The following ATP13A4 variants were observed in gnomAD, a reference collection of about 807,000 sequenced individuals.
The protein encoded by ATP13A4 is ATPase 13A4.
In ATP13A4, 114 loss-of-function variants were observed where a neutral mutation model predicts 142.5. The observed-to-expected ratio is 0.80, with a 90% confidence interval of 0.69 to 0.93. The LOEUF (loss-of-function observed/expected upper bound fraction) is 0.93. Among genes scored for constraint, ATP13A4 ranks in the 40% least tolerant of loss-of-function variants. The probability of loss-of-function intolerance (pLI) is 0.00; values close to 1 mark genes in which losing one functional copy is unlikely to be tolerated. For synonymous variants in ATP13A4, 488 were observed against 514.8 expected (o/e 0.95, Z 0.70); for missense variants, 1,392 against 1,454.0 (o/e 0.96, Z 0.69).
chr3:193,488,961 T>C (rs1448798636), intron 7 of ATP13A4, among the ~76,000 whole-genome samples: 1 of 152,042 alleles, frequency 6.6e-6, no homozygotes, highest in African/African-American at 2.4e-5. Flanking sequence ...GAATGAGAGT[T>C]CAGGGAAGGA....
Position 193,490,017 on chromosome 3 carries a change from C to T in ATP13A4, c.604-153G>A, listed in dbSNP as rs764200809. ...TCGGCAATTGACACGTGCCAGACACCGCTCTAAGCAACTTTACTTGAATTT... is the reference window on the plus strand; with the variant it reads ...TCGGCAATTGACACGTGCCAGACACTGCTCTAAGCAACTTTACTTGAATTT... On this transcript the variant is annotated intron_variant, in intron 6 of 29. Transcript: ENST00000342695. Among the ~76,000 whole-genome samples, 18 of 152,282 alleles carry T rather than the reference C, an allele frequency of 1.2e-4. No individual in the cohort carries two copies. In the South Asian group the frequency reaches 1.7e-3, roughly 14 times the overall value.
At chr3:193,442,070 T>G (rs1209335849) in intron 19 of ATP13A4, among the ~76,000 whole-genome samples, 1 of 152,114 alleles carries the variant, frequency 6.6e-6, no homozygotes, top group Non-Finnish European at 1.5e-5. Flanking sequence ...TCCCAAAGAC[T>G]AGATCCCCTT....
At chr3:193,472,605 T>C (rs936424431) in intron 8 of ATP13A4, among the ~76,000 whole-genome samples, 43 of 152,206 alleles carry the variant, frequency 2.8e-4, no homozygotes, top group African/African-American at 9.6e-4. Context: ...AAATTTGTGT[T>C]AGTTGTGCGT....
At chr3:193,503,095 T>G (rs903424300) in intron 2 of ATP13A4, among the ~76,000 whole-genome samples, 1 of 152,178 alleles carries the variant, frequency 6.6e-6, no homozygotes, top group Non-Finnish European at 1.5e-5. Flanking sequence ...CCCTCTCTTG[T>G]GCTCTTAATC....
At chr3:193,505,280 C>T (rs565650499) in intron 2 of ATP13A4, among the ~76,000 whole-genome samples, 1 of 152,238 alleles carries the variant, frequency 6.6e-6, no homozygotes, top group East Asian at 1.9e-4. Flanking sequence ...AAGCTGTCAC[C>T]CTCTGGCCCT....
intron 25 of ATP13A4, among the ~76,000 whole-genome samples, chr3:193,425,498 G>A (rs113927343): frequency 0.03 from 4,602 of 151,586 alleles, 228 homozygotes; most frequent in African/African-American, 0.1. Context: ...AAGAACATGT[G>A]GTATACACGA....
At chr3:193,424,702 C>G (rs1475601389) in intron 25 of ATP13A4, among the ~76,000 whole-genome samples, 4 of 149,514 alleles carry the variant, frequency 2.7e-5, no homozygotes, top group Non-Finnish European at 5.9e-5. Context: ...AAATGTAAAA[C>G]TCGAAACTAT....
intron 8 of ATP13A4, among the ~76,000 whole-genome samples, chr3:193,476,730 T>G (rs1158216170): frequency 1.3e-5 from 2 of 151,984 alleles, no homozygotes; most frequent in African/African-American, 2.4e-5. Context: ...TTTATTGATC[T>G]AATTTTAATA....
In ATP13A4 at chr3:193,428,770, A is replaced by C. The variant is rs1334031943; in HGVS notation, c.2842+5075T>G. ...AACTCTTGGACACAGGAAGGGGAAC[A>C]TCACACACCTAGGCCTGTCGTGGGG... On this transcript the variant is annotated intron_variant, in intron 25 of 29. Coordinates refer to ENST00000342695, the MANE Select transcript of ATP13A4 (RefSeq NM_032279.4). 2.0e-4 allele frequency among the ~76,000 whole-genome samples: 25 copies of C among 122,100 alleles called. No homozygotes were observed. In the Admixed American group the frequency reaches 2.6e-3, roughly 13 times the overall value. 80.1% of individuals were successfully genotyped at this position (122,100 alleles called of 152,430 possible). A position where few individuals can be genotyped will look rare whatever the true frequency, so the allele number is the denominator to read the frequency against.
intron 1 of ATP13A4, among the ~76,000 whole-genome samples, chr3:193,540,816 A>G (rs896527185): frequency 6.6e-6 from 1 of 152,180 alleles, no homozygotes; most frequent in Non-Finnish European, 1.5e-5. Flanking sequence ...CACAAACAAA[A>G]TAAGACTGGA....
chr3:193,404,683 T>C (rs1020902914), intron 29 of ATP13A4, among the ~76,000 whole-genome samples: 10 of 152,272 alleles, frequency 6.6e-5, no homozygotes, highest in African/African-American at 2.2e-4. Flanking sequence ...TCCGCCATGA[T>C]TGAAAGTTTC....
At chr3:193,491,433 A>G (rs1719938278) in intron 5 of ATP13A4, 35 bp from the exon 6 acceptor site, 1 of 1,454,002 alleles carries the variant, frequency 6.9e-7, no homozygotes, top group Non-Finnish European at 9.7e-7. Flanking sequence ...TCTGTCACAA[A>G]TAATAAAATT....
At chr3:193,531,296 G>GAGGGAGGAAGGA (rs1173723373) in intron 1 of ATP13A4, among the ~76,000 whole-genome samples, 16 of 73,990 alleles carry the variant, frequency 2.2e-4, no homozygotes, top group African/African-American at 7.4e-4. Flanking sequence ...GGGAGGGAGG[G>GAGGGAGGAAGGA]AGGAAGGAAG....
At chr3:193,438,408 C>A in intron 23 of ATP13A4, 67 bp downstream of exon 23, 1 of 1,327,862 alleles carries the variant, frequency 7.5e-7, no homozygotes. Context: ...CTTTCCCAGG[C>A]AGAACAATGT....
In ATP13A4 at chr3:193,465,051, C is replaced by A. The variant is rs1449847832; in HGVS notation, c.1350G>T (p.Leu450=). ...IAVPPALPAA[L]TTGIIYAQRR... Reference sequence around the variant, plus strand: ...TCTGGGCATAGATAATGCCTGTGGTCAGAGCAGCAGGTAGAGCCGGAGGAA... The same window carrying A: ...TCTGGGCATAGATAATGCCTGTGGTAAGAGCAGCAGGTAGAGCCGGAGGAA... Residue 450 remains leucine, a synonymous_variant, in exon 12 of 30, where the codon CTG becomes CTT. Coordinates refer to ENST00000342695, the MANE Select transcript of ATP13A4 (RefSeq NM_032279.4). The A allele has an allele frequency of 6.2e-7, 1 of 1,614,098 alleles. No individual in the cohort carries two copies. The highest frequency in any genetic ancestry group is 1.3e-5 in the African/African-American group (1 of 75,040).
chr3:193,550,670 C>T (rs1723504640), intron 1 of ATP13A4, among the ~76,000 whole-genome samples: 1 of 152,130 alleles, frequency 6.6e-6, no homozygotes, highest in Non-Finnish European at 1.5e-5. Context: ...TCTTTAGATC[C>T]TTATTTGCCA....
At chr3:193,515,701 G>A (rs751278298) in intron 1 of ATP13A4, among the ~76,000 whole-genome samples, 4 of 152,254 alleles carry the variant, frequency 2.6e-5, no homozygotes, top group East Asian at 3.9e-4. Context: ...CTAGACAAAC[G>A]TCTTCCTTCC....
intron 29 of ATP13A4, among the ~76,000 whole-genome samples, chr3:193,404,644 T>C (rs1714403666): frequency 6.6e-6 from 1 of 152,142 alleles, no homozygotes; most frequent in Non-Finnish European, 1.5e-5. Context: ...GCTCGGGCCA[T>C]GTAAGACCTG....
At chr3:193,580,649 T>C (rs1269948534) in intron 2 of ATP13A4, among the ~76,000 whole-genome samples, 2 of 152,170 alleles carry the variant, frequency 1.3e-5, no homozygotes, top group Admixed American at 6.5e-5. Flanking sequence ...ATTATGTTTT[T>C]AGTCTAAAAC....
Sources: allele counts gnomAD v4.1 joint callset (sites outside exome capture counted in the v4.1 genomes callset), GRCh38; gene constraint gnomAD v4.1.1; transcripts MANE v1.5; gene names NCBI Gene and HGNC (gene_info 2026-07-23, HGNC 2026-07-21).